MRPL48: variants seen among roughly 807,000 people sequenced by gnomAD.
The protein encoded by MRPL48 is large ribosomal subunit protein mL48.
A neutral mutation model predicts 32.9 loss-of-function variants in MRPL48; 16 were observed. That is an observed-to-expected ratio of 0.49 (90% CI 0.33 to 0.74). The LOEUF is 0.74. Among genes scored for constraint, MRPL48 ranks in the 30% least tolerant of loss-of-function variants. The pLI is 0.02. For missense variants in MRPL48, 206 were observed against 245.3 expected, an observed-to-expected ratio of 0.84 and a Z score of 1.07; for synonymous variants, 94 against 89.2, an observed-to-expected ratio of 1.05 and a Z score of -0.31.
intron 6 of MRPL48, among the ~76,000 whole-genome samples, chr11:73,862,531 G>A (rs1348351338): frequency 6.6e-6 from 1 of 151,976 alleles, no homozygotes; most frequent in Non-Finnish European, 1.5e-5. Context: ...CCTGGGAGGC[G>A]GAGGTTGCAG....
chr11:73,839,549 G>C (rs1278780449), intron 4 of MRPL48, among the ~76,000 whole-genome samples: 2 of 152,142 alleles, frequency 1.3e-5, no homozygotes, highest in East Asian at 1.9e-4. Context: ...AAGTAGTGTG[G>C]CTGGGTCATT....
Position 73,801,292 on chromosome 11 carries a change from T to C in MRPL48, c.22-3735T>C, listed in dbSNP as rs576119579. Among the ~76,000 whole-genome samples the C allele has an allele frequency of 1.4e-4, 22 of 152,310 alleles. 1 individual carries two copies. The South Asian group carries it at 4.6e-3, about 32-fold the overall frequency. ...TATATTCTGTTCACTCTCATTTCTATTGTTTGTCATGGTTAATAGATCCCG... is the reference window on the plus strand; with the variant it reads ...TATATTCTGTTCACTCTCATTTCTACTGTTTGTCATGGTTAATAGATCCCG... On this transcript the variant is annotated intron_variant, in intron 1 of 7. Transcript: ENST00000310614.
chr11:73,844,849 T>C lies in MRPL48; in HGVS notation c.244T>C (p.Leu82=), dbSNP rs199741536. 18 of 1,613,764 alleles carry C rather than the reference T, an allele frequency of 1.1e-5. No homozygotes were observed. Among genetic ancestry groups the C allele is most frequent in the African/African-American group, 4.0e-5 (3 of 75,040 alleles). The change falls in exon 5 of 8, where the codon TTG becomes CTG. Residue 82 remains leucine, a synonymous_variant. Coordinates refer to ENST00000310614, the MANE Select transcript of MRPL48 (RefSeq NM_016055.6). ...KGKVEVRAIN[L]GTDYEYGVLN... ...AAAAGTGGAAGTGAGAGCCATTAAT[T>C]TGGGGACAGATTATGAATATGGGGT...
intron 6 of MRPL48, among the ~76,000 whole-genome samples, chr11:73,860,992 C>T (rs774029918): frequency 2.0e-5 from 3 of 152,168 alleles, no homozygotes; most frequent in East Asian, 1.9e-4. Context: ...TTTCATTTAG[C>T]GTAATGTTTT....
At chr11:73,794,467 A>G (rs1224748976) in intron 1 of MRPL48, among the ~76,000 whole-genome samples, 2 of 151,518 alleles carry the variant, frequency 1.3e-5, no homozygotes, top group Non-Finnish European at 2.9e-5. Context: ...AGGCAGGAGA[A>G]TCACTTGAAT....
intron 4 of MRPL48, 91 bp from the exon 5 acceptor site, chr11:73,844,716 A>T: frequency 7.2e-7 from 1 of 1,395,068 alleles, no homozygotes; most frequent in Non-Finnish European, 9.6e-7. Flanking sequence ...CAAATTTATT[A>T]GAAAGATTGA....
intron 4 of MRPL48, among the ~76,000 whole-genome samples, chr11:73,829,360 C>CT (rs921838163): frequency 5.2e-4 from 76 of 147,202 alleles, no homozygotes; most frequent in Middle Eastern, 3.5e-3. Flanking sequence ...TTCTTTCTTT[C>CT]TTTTTTTTTT....
At chr11:73,826,846 G>C (rs918844050) in intron 4 of MRPL48, among the ~76,000 whole-genome samples, 1 of 144,426 alleles carries the variant, frequency 6.9e-6, no homozygotes, top group Non-Finnish European at 1.5e-5. Flanking sequence ...GTGCGATCTC[G>C]GCTCACTGCA....
At position 73,811,465 on chromosome 11, in the gene MRPL48, T is replaced by C. The variant is rs554378286; in HGVS notation, c.112+3115T>C. Among the ~76,000 whole-genome samples, 159 of 152,240 alleles carry C rather than the reference T, an allele frequency of 1.0e-3. 1 individual carries two copies. Among genetic ancestry groups the C allele is most frequent in the African/African-American group, 3.6e-3 (149 of 41,560 alleles). ...GAGAGGTTTTTTTAAAAATTGTTTA[T>C]CTCTTAATTATACTTTTTATTTTGA... is the stretch of plus-strand genomic sequence containing the variant. On this transcript the variant is annotated intron_variant, in intron 3 of 7. Transcript: ENST00000310614.
intron 2 of MRPL48, among the ~76,000 whole-genome samples, chr11:73,805,659 T>TA (rs1947436905): frequency 6.7e-6 from 1 of 149,748 alleles, no homozygotes; most frequent in Admixed American, 6.7e-5. Context: ...CAGAACCTTT[T>TA]TTTTTTTTTT....
At position 73,863,203 on chromosome 11, in the gene MRPL48, T is replaced by A. The variant is rs1487459099; in HGVS notation, c.506T>A (p.Ile169Asn). 1.3e-6 allele frequency: 2 copies of A among 1,583,926 alleles called. No homozygotes were observed. Among genetic ancestry groups the A allele is most frequent in the East Asian group, 2.3e-5 (1 of 43,862 alleles). Residue 169 changes from isoleucine (I) to asparagine (N), a missense_variant, in exon 7 of 8, where the codon ATT becomes AAT. By Grantham distance (149) the Ile-to-Asn change is moderately radical. Coordinates refer to ENST00000310614, the MANE Select transcript of MRPL48 (RefSeq NM_016055.6). ...GGTTTGAGTGCTACGTTTGCAGAAA[T>A]TTTCTTGGAAATAATCCAAAGCAGT... ...ISGLSATFAE[I>N]FLEIIQSSLP...
chr11:73,824,498 T>TTGCTTGGACC (rs1209845679), intron 3 of MRPL48, among the ~76,000 whole-genome samples: 1 of 151,890 alleles, frequency 6.6e-6, no homozygotes, highest in African/African-American at 2.4e-5. Context: ...GGCAGGAGAA[T>TTGCTTGGACC]TGCTTGGACC....
At chr11:73,849,753 A>G (rs566238362) in intron 5 of MRPL48, among the ~76,000 whole-genome samples, 1 of 152,318 alleles carries the variant, frequency 6.6e-6, no homozygotes, top group African/African-American at 2.4e-5. Flanking sequence ...TCATTTCTCT[A>G]GGAGTATGAT....
intron 2 of MRPL48, among the ~76,000 whole-genome samples, chr11:73,806,099 A>G (rs1947447509): frequency 6.6e-6 from 1 of 151,244 alleles, no homozygotes; most frequent in African/African-American, 2.4e-5. Context: ...CTTCACAGTA[A>G]AGCAGAGTGA....
intron 6 of MRPL48, among the ~76,000 whole-genome samples, chr11:73,861,076 C>T (rs905855661): frequency 6.6e-6 from 1 of 152,098 alleles, no homozygotes; most frequent in African/African-American, 2.4e-5. Context: ...ATAGGCATCA[C>T]CCTTTTTTGA....
At chr11:73,830,114 G>A (rs995903612) in intron 4 of MRPL48, among the ~76,000 whole-genome samples, 11 of 152,148 alleles carry the variant, frequency 7.2e-5, no homozygotes, top group African/African-American at 2.4e-4. Flanking sequence ...AGGTCCCTAA[G>A]GGTAGAAGTC....
chr11:73,838,963 A>C (rs1379153770), intron 4 of MRPL48, among the ~76,000 whole-genome samples: 1 of 152,148 alleles, frequency 6.6e-6, no homozygotes, highest in African/African-American at 2.4e-5. Flanking sequence ...CCTATTCTAA[A>C]ATTTTAAAAT....
intron 2 of MRPL48, among the ~76,000 whole-genome samples, chr11:73,806,369 A>C (rs1329701711): frequency 6.6e-6 from 1 of 152,104 alleles, no homozygotes; most frequent in Non-Finnish European, 1.5e-5. Context: ...ATCTGTGCAT[A>C]TTCTTTCCTC....
In MRPL48 at chr11:73,838,540, C is replaced by A. The variant is rs192232000; in HGVS notation, c.202-6267C>A. Among the ~76,000 whole-genome samples the A allele has an allele frequency of 4.7e-4, 71 of 152,306 alleles. 1 individual carries two copies. The highest frequency in any genetic ancestry group is 3.1e-4 in the Non-Finnish European group (21 of 68,034). On this transcript the variant is annotated intron_variant, in intron 4 of 7. Transcript: ENST00000310614. ...TACAGGCTTCAGAGAAGCTCCTCCC[C>A]TCTCTGCTGGAAAATTTCAGCCACT...
Sources: allele counts gnomAD v4.1 joint callset (sites outside exome capture counted in the v4.1 genomes callset), GRCh38; gene constraint gnomAD v4.1.1; transcripts MANE v1.5; gene names NCBI Gene and HGNC (gene_info 2026-07-23, HGNC 2026-07-21).